The following SLC39A11 variants were observed in gnomAD, a reference collection of about 807,000 sequenced individuals.
SLC39A11 encodes the protein zinc transporter ZIP11.
A neutral mutation model predicts 36.1 loss-of-function variants in SLC39A11; 33 were observed. That is an observed-to-expected ratio of 0.91 (90% confidence interval 0.69 to 1.22). SLC39A11 has a LOEUF of 1.22. Ranked by LOEUF, SLC39A11 falls within the 50% of genes most tolerant of loss-of-function variation. SLC39A11 has a pLI of 0.00. For missense variants in SLC39A11, 432 were observed against 430.3 expected (o/e 1.00, Z -0.03); for synonymous variants, 166 against 170.3 (o/e 0.97, Z 0.20).
chr17:73,008,531 C>A (rs1355593479), intron 4 of SLC39A11, among the ~76,000 whole-genome samples: 1 of 152,196 alleles, frequency 6.6e-6, no homozygotes, highest in Non-Finnish European at 1.5e-5. Flanking sequence ...ACCAGCCTGG[C>A]TGCCCACCAG....
chr17:72,771,585 G>A (rs1041517406), intron 6 of SLC39A11, among the ~76,000 whole-genome samples: 1 of 151,922 alleles, frequency 6.6e-6, no homozygotes, highest in Non-Finnish European at 1.5e-5. Context: ...AGTTTCCTGG[G>A]GCCATCTCTA....
chr17:72,678,690 A>G (rs2071384765), intron 7 of SLC39A11, among the ~76,000 whole-genome samples: 2 of 151,742 alleles, frequency 1.3e-5, no homozygotes, highest in Admixed American at 1.3e-4. Flanking sequence ...GGACGAGAAA[A>G]AAAAAAGAGA....
Position 72,936,411 on chromosome 17 carries a change from TAAAAAAAA to T in SLC39A11, c.430+11333_430+11340del, listed in dbSNP as rs746428868. Among the ~76,000 whole-genome samples the T allele has an allele frequency of 5.7e-3, 418 of 73,472 alleles. 2 individuals are homozygous for T. Among genetic ancestry groups the T allele is most frequent in the African/African-American group, 0.019 (382 of 20,074 alleles). The allele number at this position is 73,472 out of a possible 152,430, so 48.2% of individuals were successfully genotyped here. On this transcript the variant is annotated intron_variant, in intron 5 of 9. Coordinates refer to ENST00000255559, the MANE Select transcript of SLC39A11 (RefSeq NM_139177.4). Reference sequence around the variant, plus strand: ...TGGCAGTATCTCATCTGAAAAAAAGTAAAAAAAAAAAAAAAAAAAAAAAAAAAAAAATT... The same window carrying T: ...TGGCAGTATCTCATCTGAAAAAAAGTAAAAAAAAAAAAAAAAAAAAAAATT...
chr17:72,697,269 G>T (rs1488834704), intron 7 of SLC39A11, among the ~76,000 whole-genome samples: 1 of 152,158 alleles, frequency 6.6e-6, no homozygotes, highest in Non-Finnish European at 1.5e-5. Flanking sequence ...TTTTTGTAGA[G>T]ATGGGGTTTC....
At chr17:72,742,204 A>AC (rs1334868146) in intron 6 of SLC39A11, among the ~76,000 whole-genome samples, 1 of 150,908 alleles carries the variant, frequency 6.6e-6, no homozygotes, top group Non-Finnish European at 1.5e-5. Context: ...CTCCATCTCA[A>AC]AAAAAAAGAG....
intron 6 of SLC39A11, among the ~76,000 whole-genome samples, chr17:72,742,548 C>A (rs543643419): frequency 6.6e-6 from 1 of 152,136 alleles, no homozygotes; most frequent in Admixed American, 6.5e-5. Context: ...TGGGGAGAAA[C>A]CAAGCAAACT....
intron 5 of SLC39A11, among the ~76,000 whole-genome samples, chr17:72,937,359 G>T (rs947301609): frequency 6.6e-6 from 1 of 152,184 alleles, no homozygotes; most frequent in African/African-American, 2.4e-5. Context: ...GGAGACTGAG[G>T]CAGGAGAATC....
chr17:72,839,048 C>G (rs1182089592), intron 6 of SLC39A11: 1 of 152,200 alleles, frequency 6.6e-6, no homozygotes, highest in Non-Finnish European at 1.5e-5. Context: ...TGAATGGGCT[C>G]ATTAAGACTT....
intron 4 of SLC39A11, among the ~76,000 whole-genome samples, chr17:72,951,153 T>C (rs1423338555): frequency 3.3e-5 from 5 of 150,712 alleles, no homozygotes; most frequent in African/African-American, 9.8e-5. Context: ...CTCAAGCTAC[T>C]TGGGAGGCTG....
intron 4 of SLC39A11, among the ~76,000 whole-genome samples, chr17:72,991,551 G>A (rs955660369): frequency 6.6e-6 from 1 of 151,994 alleles, no homozygotes; most frequent in Admixed American, 6.6e-5. Flanking sequence ...AGAGATGGGG[G>A]TTTCACCATG....
intron 5 of SLC39A11, among the ~76,000 whole-genome samples, chr17:72,909,734 C>G (rs935115016): frequency 3.7e-5 from 5 of 134,336 alleles, no homozygotes; most frequent in Non-Finnish European, 8.1e-5. Context: ...GTCTTTCTTT[C>G]TTTTTTTTCT....
chr17:72,766,643 TC>T (rs1245395478), intron 6 of SLC39A11, among the ~76,000 whole-genome samples: 2 of 152,232 alleles, frequency 1.3e-5, no homozygotes, highest in Non-Finnish European at 2.9e-5. Flanking sequence ...ATCGCAGTTT[TC>T]AATATAACTT....
chr17:72,901,177 C>T (rs571435965), intron 5 of SLC39A11, among the ~76,000 whole-genome samples: 1 of 152,322 alleles, frequency 6.6e-6, no homozygotes, highest in Admixed American at 6.5e-5. Context: ...GAGGTGGCCT[C>T]GGCAGCTGGA....
At chr17:72,653,800 A>C (rs2069979557) in intron 7 of SLC39A11, among the ~76,000 whole-genome samples, 1 of 152,126 alleles carries the variant, frequency 6.6e-6, no homozygotes, top group South Asian at 2.1e-4. Context: ...TCACCTCTGA[A>C]GATTTTGTCC....
chr17:72,960,246 C>G (rs188723766), intron 4 of SLC39A11, among the ~76,000 whole-genome samples: 1 of 152,252 alleles, frequency 6.6e-6, no homozygotes, highest in East Asian at 1.9e-4. Context: ...CTATCACTTT[C>G]ACAAATAAAT....
In SLC39A11 at chr17:72,647,446, G is replaced by A; in HGVS notation, c.*138C>T. 1 of 617,920 alleles carries A rather than the reference G, an allele frequency of 1.6e-6. No individual in the cohort carries two copies. Among genetic ancestry groups the A allele is most frequent in the South Asian group, 2.3e-5 (1 of 42,574 alleles). 38.3% of individuals were successfully genotyped at this position (617,920 alleles called of 1,614,324 possible). A position where few individuals can be genotyped will look rare whatever the true frequency, so the allele number is the denominator to read the frequency against. ...AGTAAAAATGGTTCTATTATAATCA[G>A]AGTCAATCAGGATAATGAGATGAAG... On this transcript the variant is annotated 3_prime_UTR_variant, in exon 10 of 10. Coordinates refer to ENST00000255559, the MANE Select transcript of SLC39A11 (RefSeq NM_139177.4).
chr17:72,779,488 G>A (rs2144839293), intron 6 of SLC39A11, among the ~76,000 whole-genome samples: 1 of 152,144 alleles, frequency 6.6e-6, no homozygotes, highest in East Asian at 1.9e-4. Flanking sequence ...GGCTTTAGGG[G>A]ACCTCCCAGA....
intron 2 of SLC39A11, among the ~76,000 whole-genome samples, chr17:73,087,676 A>T (rs1281162109): frequency 5.3e-5 from 8 of 152,034 alleles, no homozygotes; most frequent in Non-Finnish European, 1.0e-4. Context: ...TAGAGCGTGT[A>T]GAAGGGGTGT....
intron 3 of SLC39A11, among the ~76,000 whole-genome samples, chr17:73,082,696 C>G (rs1568245734): frequency 6.6e-6 from 1 of 152,048 alleles, no homozygotes; most frequent in East Asian, 1.9e-4. Context: ...CTTCAAAGGA[C>G]AGGATCACAT....
Sources: gnomAD v4.1 joint callset for allele counts (sites outside exome capture counted in the v4.1 genomes callset) on GRCh38, gnomAD v4.1.1 for gene constraint, MANE v1.5 for transcripts, NCBI Gene and HGNC (gene_info 2026-07-23, HGNC 2026-07-21) for gene names.